C2orf81: variants seen among roughly 807,000 people sequenced by gnomAD.
C2orf81 encodes chromosome 2 open reading frame 81.
Under a neutral mutation model 7.9 loss-of-function variants are expected in C2orf81, and 5 were observed. The ratio of observed to expected loss-of-function variants is 0.63; its 90% confidence interval spans 0.33 to 1.33. The LOEUF is 1.33. Among genes scored for constraint, C2orf81 ranks in the 40% most tolerant of loss-of-function variants. The pLI is 0.05. For synonymous variants in C2orf81, 346 were observed against 367.4 expected (o/e 0.94, Z 0.66); for missense variants, 781 against 830.4 (o/e 0.94, Z 0.73).
chr2:74,414,960 C>A lies in C2orf81; in HGVS notation c.1217G>T (p.Arg406Leu). ...DSQTRPLEAY[R>L]GRQRGEKTKA... is the part of the protein sequence containing the mutation. ...GGTCTTCTCGCCCCGCTGGCGTCCG[C>A]GGTAGGCTTCCAAGGGGCGTGTTTG... Residue 406 changes from arginine to leucine, a missense_variant, in exon 3 of 3, where the codon CGC becomes CTC. Physicochemically the swap from Arg to Leu is moderately radical, Grantham distance 102 (BLOSUM62 -2). Transcript: ENST00000684111. The surrounding 1 kb of genome is among the most constrained non-coding windows in gnomAD (Gnocchi z 5.3). 6.5e-7 allele frequency: 1 copy of A among 1,547,886 alleles called. No individual in the cohort carries two copies. The highest frequency in any genetic ancestry group is 8.7e-7 in the Non-Finnish European group (1 of 1,145,606).
chr2:74,417,429 T>A, intron 1 of C2orf81: 1 of 1,310,616 alleles, frequency 7.6e-7, no homozygotes, highest in Middle Eastern at 2.1e-4. Flanking sequence ...TGTACTCAGA[T>A]CCCAGGCAGA....
chr2:74,414,490 G>T lies in C2orf81; in HGVS notation c.1687C>A (p.Leu563Met), dbSNP rs1209202443. ...TSQVMWKPVL[L>M]PEALKLAPGV... ...GGGGCCAGCTTCAGGGCTTCTGGCA[G>T]CAACACGGGCTTCCACATCACCTGG... Residue 563 changes from leucine to methionine, a missense_variant, in exon 3 of 3, where the codon CTG (leucine) becomes ATG (methionine). Transcript: ENST00000684111. This position sits in a 1 kb window ranked among gnomAD's most constrained non-coding sequence, Gnocchi z 5.3. 9 of 1,550,178 alleles carry T rather than the reference G, an allele frequency of 5.8e-6. No individual in the cohort carries two copies. The African/African-American group carries it at 8.2e-5, about 14-fold the overall frequency.
chr2:74,419,303 G>A (rs988684922), intron 1 of C2orf81, among the ~76,000 whole-genome samples: 11 of 152,290 alleles, frequency 7.2e-5, no homozygotes, highest in Admixed American at 7.2e-4. Flanking sequence ...TTGAGCCCAG[G>A]AGTTCAAGTC....
Position 74,414,621 on chromosome 2 carries a change from G to C in C2orf81, c.1556C>G (p.Ala519Gly), listed in dbSNP as rs990634838. The C allele has an allele frequency of 6.5e-7, 1 of 1,550,128 alleles. No individual in the cohort carries two copies. The highest frequency in any genetic ancestry group is 1.4e-5 in the African/African-American group (1 of 73,140). ...CTGTGGAGGCACGCGGGTCCGGCCA[G>C]CCCACAGCTCGCCCAGCAGCTCGGC... Reference protein sequence around the residue: ...GKAELLGELWAGRTRVPPQGL... With the variant: ...GKAELLGELWGGRTRVPPQGL... Residue 519 changes from alanine (A) to glycine (G), a missense_variant, in exon 3 of 3, where the codon GCT becomes GGT. Physicochemically the swap from Ala to Gly is moderately conservative, Grantham distance 60. Transcript: ENST00000684111. The surrounding 1 kb of genome is among the most constrained non-coding windows in gnomAD (Gnocchi z 5.3).
In C2orf81 at chr2:74,415,445, G is replaced by T; in HGVS notation, c.732C>A (p.Asp244Glu). ...CCGAGGAGAGGCCTCTAGACTGGCC[G>T]TCCGCTTCCTCTACAGGACCTCCGG... ...AGPGGPVEEA[D>E]GQSRGLSSAG... Residue 244 changes from aspartate to glutamate, a missense_variant, in exon 3 of 3, where the codon GAC (aspartate) becomes GAA (glutamate). Transcript: ENST00000684111. This position sits in a 1 kb window ranked among gnomAD's most constrained non-coding sequence, Gnocchi z 5.5. The T allele has an allele frequency of 1.3e-6, 2 of 1,534,190 alleles. No homozygotes were observed. Among genetic ancestry groups the T allele is most frequent in the Non-Finnish European group, 1.8e-6 (2 of 1,134,780 alleles).
chr2:74,421,516 C>A (rs1398044132), intron 1 of C2orf81, 27 bp downstream of exon 1: 3 of 383,128 alleles, frequency 7.8e-6, no homozygotes. Flanking sequence ...CTGGCTCTGG[C>A]GCATCCCCAG....
In C2orf81 at chr2:74,415,892, G is replaced by A. The variant is rs1676451992; in HGVS notation, c.285C>T (p.Ala95=). The A allele has an allele frequency of 6.5e-7, 1 of 1,549,738 alleles. No individual in the cohort carries two copies. ...AGCGCCACTCGGTGATCTGCAGCAT[G>A]GCCTCCCGGGCCTGGCTGATGGTGA... The part of the protein sequence containing the change: ...IPFTISQARE[A]MLQITEWRFL... The change falls in exon 3 of 3, where the codon GCC becomes GCT. Residue 95 remains alanine (A), a synonymous_variant. Coordinates refer to ENST00000684111, the MANE Select transcript of C2orf81 (RefSeq NM_001316764.3). This position sits in a 1 kb window ranked among gnomAD's most constrained non-coding sequence, Gnocchi z 5.5.
chr2:74,419,147 C>CTCCA (rs1179554820), intron 1 of C2orf81, among the ~76,000 whole-genome samples: 1 of 151,576 alleles, frequency 6.6e-6, no homozygotes, highest in Admixed American at 6.6e-5. Context: ...TGCTACTGAA[C>CTCCA]TCCAGCCTGG....
In C2orf81 at chr2:74,415,479, T is replaced by C; in HGVS notation, c.698A>G (p.Glu233Gly). 1 of 1,538,332 alleles carries C rather than the reference T, an allele frequency of 6.5e-7. No homozygotes were observed. Among genetic ancestry groups the C allele is most frequent in the Non-Finnish European group, 8.8e-7 (1 of 1,136,970 alleles). The change falls in exon 3 of 3, where the codon GAG becomes GGG. Residue 233 changes from glutamate (E) to glycine (G), a missense_variant. By Grantham distance (98) the Glu-to-Gly change is moderately conservative (BLOSUM62 -2). Transcript: ENST00000684111. The surrounding 1 kb of genome is among the most constrained non-coding windows in gnomAD (Gnocchi z 5.5). ...CTCTACAGGACCTCCGGGCCCTGCC[T>C]CCTGAAACAGCTCTGATGTGGGAGG... ...APPPTSELFQ[E>G]AGPGGPVEEA... is the part of the protein sequence containing the mutation.
rs575595663 is a variant in C2orf81, at chr2:74,416,036, G to C, written c.224C>G (p.Ala75Gly). 1.3e-6 allele frequency: 2 copies of C among 1,550,004 alleles called. No homozygotes were observed. Among genetic ancestry groups the C allele is most frequent in the Non-Finnish European group, 1.7e-6 (2 of 1,146,846 alleles). The change falls in exon 2 of 3, where the codon GCT (alanine) becomes GGT (glycine). Residue 75 changes from alanine (A) to glycine (G), a missense_variant. Ala to Gly is a moderately conservative substitution (Grantham distance 60). Coordinates refer to ENST00000684111, the MANE Select transcript of C2orf81 (RefSeq NM_001316764.3). ...CTGCTGAGTCAGGTAGACTTTGAAAGCAGAGTCCATGACTCGAGCCAGCAA... is the reference window on the plus strand; with the variant it reads ...CTGCTGAGTCAGGTAGACTTTGAAACCAGAGTCCATGACTCGAGCCAGCAA... ...ADLLARVMDS[A>G]FKVYLTQQCI...
intron 1 of C2orf81, among the ~76,000 whole-genome samples, chr2:74,416,764 A>T (rs1391413087): frequency 1.3e-5 from 2 of 152,214 alleles, no homozygotes; most frequent in Non-Finnish European, 2.9e-5. Context: ...AAGACAATTC[A>T]GTAAACAGTC....
At position 74,416,184 on chromosome 2, in the gene C2orf81, G is replaced by A. The variant is rs914925030; in HGVS notation, c.76C>T (p.Arg26Trp). 8 of 1,458,104 alleles carry A rather than the reference G, an allele frequency of 5.5e-6. No homozygotes were observed. The highest frequency in any genetic ancestry group is 2.1e-5 in the Admixed American group (1 of 47,972). 90.3% of individuals were successfully genotyped at this position (1,458,104 alleles called of 1,614,324 possible). Reference sequence around the variant, plus strand: ...TGCGGCACTGGCACAGTGGGCGGCCGCACTTTTTCCGCCTTGGACCGGGTC... The same window carrying A: ...TGCGGCACTGGCACAGTGGGCGGCCACACTTTTTCCGCCTTGGACCGGGTC... ...GVTRSKAEKVRPPTVPVPQVD... is the reference protein window; with the variant it reads ...GVTRSKAEKVWPPTVPVPQVD... Residue 26 changes from arginine (R) to tryptophan (W), a missense_variant, in exon 2 of 3, where the codon CGG becomes TGG. Arg to Trp is a moderately radical substitution (Grantham distance 101). Transcript: ENST00000684111.
intron 1 of C2orf81, chr2:74,417,527 T>A: frequency 1.7e-6 from 2 of 1,150,756 alleles, no homozygotes; most frequent in Non-Finnish European, 2.3e-6. Flanking sequence ...CTGTCCAACC[T>A]AGTGCAGGGA....
At position 74,415,530 on chromosome 2, in the gene C2orf81, G is replaced by C. The variant is rs768915558; in HGVS notation, c.647C>G (p.Pro216Arg). The C allele has an allele frequency of 3.2e-6, 5 of 1,547,542 alleles. No individual in the cohort carries two copies. The Admixed American group carries it at 5.9e-5, about 18-fold the overall frequency. ...AGGGGCCGACGTGACTCTCAGCTGC[G>C]GAGAAGGCTCCCAAGATTCCATCTG... ...QEQMESWEPS[P>R]QLRVTSAPPP... Residue 216 changes from proline (P) to arginine (R), a missense_variant, in exon 3 of 3, where the codon CCG becomes CGG. Transcript: ENST00000684111. This position sits in a 1 kb window ranked among gnomAD's most constrained non-coding sequence, Gnocchi z 5.5.
Position 74,415,996 on chromosome 2 carries a change from C to T in C2orf81, c.249+15G>A. On this transcript the variant is annotated intron_variant, in intron 2 of 2. Transcript: ENST00000684111. The surrounding 1 kb of genome is among the most constrained non-coding windows in gnomAD (Gnocchi z 5.5). ...GAGAGGGAGACGAGTCTGAAGGACC[C>T]GGATCCCGGCCCACCTGCTGAGTCA... is the stretch of plus-strand genomic sequence containing the variant. The T allele has an allele frequency of 1.9e-6, 3 of 1,549,790 alleles. No homozygotes were observed. Among genetic ancestry groups the T allele is most frequent in the Non-Finnish European group, 2.6e-6 (3 of 1,146,606 alleles).
At chr2:74,421,013 C>T (rs145590662) in intron 1 of C2orf81, among the ~76,000 whole-genome samples, 4,233 of 152,096 alleles carry the variant, frequency 0.028, 213 homozygotes, top group African/African-American at 0.096. Context: ...AACTCCTGAG[C>T]TCAGGCAATC....
Position 74,416,168 on chromosome 2 carries a change from G to A in C2orf81, c.92C>T (p.Pro31Leu), listed in dbSNP as rs777899625. The A allele has an allele frequency of 1.1e-5, 16 of 1,482,918 alleles. No homozygotes were observed. The South Asian group carries it at 1.8e-4, about 17-fold the overall frequency. 91.9% of individuals were successfully genotyped at this position (1,482,918 alleles called of 1,614,324 possible). A position where few individuals can be genotyped will look rare whatever the true frequency, so the allele number is the denominator to read the frequency against. ...KAEKVRPPTV[P>L]VPQVDIVPGR... ...AGGCACAATATCCACCTGCGGCACT[G>A]GCACAGTGGGCGGCCGCACTTTTTC... Residue 31 changes from proline to leucine, a missense_variant, in exon 2 of 3, where the codon CCA (proline) becomes CTA (leucine). Physicochemically the swap from Pro to Leu is moderately conservative, Grantham distance 98. Transcript: ENST00000684111.
At chr2:74,417,066 G>A (rs967793193) in intron 1 of C2orf81, among the ~76,000 whole-genome samples, 16 of 152,190 alleles carry the variant, frequency 1.1e-4, no homozygotes, top group Non-Finnish European at 2.1e-4. Context: ...CTGGGGGAGG[G>A]GATCATGGGC....
Position 74,417,305 on chromosome 2 carries a change from G to C in C2orf81, c.19-1064C>G, listed in dbSNP as rs1411239128. On this transcript the variant is annotated intron_variant, in intron 1 of 2. Coordinates refer to ENST00000684111, the MANE Select transcript of C2orf81 (RefSeq NM_001316764.3). ...CATCTGAGGAGAGGAAAATGGCCAA[G>C]TGGTAGAAGCAAAGTAGGGTTGGGG... 2.4e-6 allele frequency: 3 copies of C among 1,231,000 alleles called. No individual in the cohort carries two copies. The African/African-American group carries it at 4.7e-5, about 19-fold the overall frequency. 76.3% of individuals were successfully genotyped at this position (1,231,000 alleles called of 1,614,324 possible). A position where few individuals can be genotyped will look rare whatever the true frequency, so the allele number is the denominator to read the frequency against.
Sources: gnomAD v4.1 joint callset for allele counts (sites outside exome capture counted in the v4.1 genomes callset) on GRCh38, gnomAD v4.1.1 for gene constraint, Gnocchi (gnomAD v3.1) non-coding constraint, MANE v1.5 for transcripts, NCBI Gene and HGNC (gene_info 2026-07-23, HGNC 2026-07-21) for gene names.